ORC5: variants seen among roughly 807,000 people sequenced by gnomAD.
ORC5 encodes origin recognition complex subunit 5.
A neutral mutation model predicts 58.8 loss-of-function variants in ORC5; 39 were observed. That is an observed-to-expected ratio of 0.66 (90% CI 0.51 to 0.87). The LOEUF (loss-of-function observed/expected upper bound fraction) is 0.87, where lower values mean the gene tolerates loss of function less well. Ranked by LOEUF, ORC5 falls within the 40% of genes least tolerant of loss-of-function variation. The probability of loss-of-function intolerance (pLI) is 0.00; values close to 1 mark genes in which losing one functional copy is unlikely to be tolerated. For missense variants in ORC5, 493 were observed against 506.3 expected (o/e 0.97, Z 0.25); for synonymous variants, 218 against 177.6 (o/e 1.23, Z -1.81).
At chr7:104,188,643 T>C (rs1584515338) in intron 5 of ORC5, among the ~76,000 whole-genome samples, 1 of 152,288 alleles carries the variant, frequency 6.6e-6, no homozygotes, top group Non-Finnish European at 1.5e-5. Context: ...AAGAGGAGTA[T>C]CTTTTGTTAC....
intron 8 of ORC5, among the ~76,000 whole-genome samples, chr7:104,175,013 C>T (rs1799294023): frequency 6.6e-6 from 1 of 152,180 alleles, no homozygotes; most frequent in African/African-American, 2.4e-5. Flanking sequence ...ACTTATCTTT[C>T]AAGTCGCCTG....
intron 1 of ORC5, 152 bp downstream of exon 1, chr7:104,207,681 G>A (rs1800126187): frequency 4.7e-6 from 3 of 643,404 alleles, no homozygotes; most frequent in South Asian, 3.8e-5. Context: ...GACTGTGGGT[G>A]AAGCTGCAGT....
At chr7:104,159,607 C>T (rs1177572246) in intron 12 of ORC5, among the ~76,000 whole-genome samples, 1 of 141,420 alleles carries the variant, frequency 7.1e-6, no homozygotes, top group African/African-American at 2.5e-5. Context: ...ATGTACTATC[C>T]TTCACTGTGC....
intron 12 of ORC5, among the ~76,000 whole-genome samples, chr7:104,146,914 C>T (rs975351252): frequency 6.6e-6 from 1 of 151,986 alleles, no homozygotes; most frequent in African/African-American, 2.4e-5. Flanking sequence ...TGTGGGGAAC[C>T]AGTAAAGGAC....
intron 12 of ORC5, among the ~76,000 whole-genome samples, chr7:104,157,659 C>A (rs1798948773): frequency 6.6e-6 from 1 of 152,026 alleles, no homozygotes; most frequent in Admixed American, 6.6e-5. Flanking sequence ...AAATCAGAAG[C>A]CTCCCATTGT....
intron 11 of ORC5, among the ~76,000 whole-genome samples, chr7:104,163,573 G>A (rs1000075161): frequency 1.3e-5 from 2 of 152,048 alleles, no homozygotes; most frequent in African/African-American, 4.8e-5. Context: ...TGCAAGCTAC[G>A]CCTCCCAGGT....
intron 8 of ORC5, 121 bp downstream of exon 8, chr7:104,183,822 T>A: frequency 1.5e-6 from 1 of 668,484 alleles, no homozygotes; most frequent in Non-Finnish European, 2.5e-6. Context: ...CCCATTGCAA[T>A]GCCAATCCTC....
intron 12 of ORC5, among the ~76,000 whole-genome samples, chr7:104,150,786 A>G (rs1410105193): frequency 2.0e-5 from 3 of 152,236 alleles, no homozygotes; most frequent in Non-Finnish European, 2.9e-5. Context: ...CAAGAGATAC[A>G]AAAATGAACA....
At position 104,161,055 on chromosome 7, in the gene ORC5, T is replaced by C; in HGVS notation, c.1149+17A>G. 1 of 1,257,580 alleles carries C rather than the reference T, an allele frequency of 8.0e-7. No homozygotes were observed. The highest frequency in any genetic ancestry group is 1.2e-6 in the Non-Finnish European group (1 of 856,026). 77.9% of individuals were successfully genotyped at this position (1,257,580 alleles called of 1,614,324 possible). The stretch of plus-strand genomic sequence containing the variant: ...ATCCCACAAAGATGACAGATAATAA[T>C]CTATGATTAAGCTTACCTGGGAAAA... On this transcript the variant is annotated intron_variant, in intron 12 of 13. Transcript: ENST00000297431.
In ORC5 at chr7:104,150,434, A is replaced by G. The variant is rs17159463; in HGVS notation, c.1149+10638T>C. On this transcript the variant is annotated intron_variant, in intron 12 of 13. Transcript: ENST00000297431. ...GTTCATGGCATATATTGAGAGTTCAACTGACATTTTTACACACACAAAGCA... is the reference window on the plus strand; with the variant it reads ...GTTCATGGCATATATTGAGAGTTCAGCTGACATTTTTACACACACAAAGCA... Among the ~76,000 whole-genome samples the G allele has an allele frequency of 7.5e-3, 1,141 of 152,236 alleles. 11 individuals carry two copies. Among genetic ancestry groups the G allele is most frequent in the African/African-American group, 0.026 (1,088 of 41,544 alleles).
chr7:104,178,563 G>C (rs1252111159), intron 8 of ORC5, among the ~76,000 whole-genome samples: 1 of 152,026 alleles, frequency 6.6e-6, no homozygotes, highest in Non-Finnish European at 1.5e-5. Flanking sequence ...TCTTTAGTTT[G>C]ATTAGATCCT....
rs373498287 is a variant in ORC5, at chr7:104,166,861, C to T, written c.901G>A (p.Glu301Lys). 5 of 1,608,400 alleles carry T rather than the reference C, an allele frequency of 3.1e-6. No homozygotes were observed. The African/African-American group carries it at 6.7e-5, about 21-fold the overall frequency. Residue 301 changes from glutamate (E) to lysine (K), a missense_variant, in exon 10 of 14, where the codon GAA becomes AAA. Coordinates refer to ENST00000297431, the MANE Select transcript of ORC5 (RefSeq NM_002553.4). ...ATGAACTTAGAGTAATATGGAAGTT[C>T]CACATGAGTATGCGCTGAGAGGCCT... Reference protein sequence around the residue: ...LKGLSAHTHVELPYYSKFILI... With the variant: ...LKGLSAHTHVKLPYYSKFILI...
rs763714407 is a variant in ORC5 at position 104,184,016 on chromosome 7, G to A, written c.751C>T (p.Arg251Cys). The part of the protein sequence containing the change: ...VKGEASERDT[R>C]KLWRNIEPHL... ...GGTTCAATATTTCTCCACAGTTTGC[G>A]AGTATCACGTTCACTTGCTACCCCA... Residue 251 changes from arginine to cysteine, a missense_variant, in exon 8 of 14, where the codon CGC becomes TGC. By Grantham distance (180) the Arg-to-Cys change is radical (BLOSUM62 -3). Around this residue, in one of 3 missense-constraint regions of ORC5, gnomAD observed 412 missense variants for 403.7 expected, o/e 1.02. Coordinates refer to ENST00000297431, the MANE Select transcript of ORC5 (RefSeq NM_002553.4). 18 of 1,613,230 alleles carry A rather than the reference G, an allele frequency of 1.1e-5. No homozygotes were observed. Among genetic ancestry groups the A allele is most frequent in the East Asian group, 2.2e-5 (1 of 44,834 alleles).
chr7:104,158,804 C>T (rs539578393), intron 12 of ORC5, among the ~76,000 whole-genome samples: 92 of 151,538 alleles, frequency 6.1e-4, no homozygotes, highest in African/African-American at 1.9e-3. Flanking sequence ...GTTAGAATGG[C>T]GATCATTAAA....
At chr7:104,164,216 G>C (rs371700574) in intron 11 of ORC5, among the ~76,000 whole-genome samples, 2 of 152,038 alleles carry the variant, frequency 1.3e-5, no homozygotes, top group East Asian at 1.9e-4. Flanking sequence ...GACCAGCCTC[G>C]AACTCCTGGG....
In ORC5 at chr7:104,205,290, A is replaced by G. The variant is rs140808494; in HGVS notation, c.73-1056T>C. ...TTTTTAGTTAAGACGGAGTTTCACC[A>G]TGTTGGTCAGGCTGGTCTCAAACTC... On this transcript the variant is annotated intron_variant, in intron 1 of 13. Transcript: ENST00000297431. 8.6e-3 allele frequency among the ~76,000 whole-genome samples: 1,303 copies of G among 151,756 alleles called. 15 individuals carry two copies. The highest frequency in any genetic ancestry group is 0.034 in the Middle Eastern group (10 of 294).
At chr7:104,130,882 T>C (rs906018772) in intron 13 of ORC5, among the ~76,000 whole-genome samples, 1 of 152,244 alleles carries the variant, frequency 6.6e-6, no homozygotes. Flanking sequence ...CGACTGGCTT[T>C]ACTTCCTTCC....
At chr7:104,141,722 A>G (rs758516846) in intron 12 of ORC5, among the ~76,000 whole-genome samples, 8 of 152,222 alleles carry the variant, frequency 5.3e-5, no homozygotes, top group Non-Finnish European at 7.3e-5. Context: ...CTAACTTACA[A>G]CAGCATCAAA....
intron 3 of ORC5, 97 bp from the exon 4 acceptor site, chr7:104,197,896 G>A (rs899838820): frequency 1.5e-5 from 10 of 686,414 alleles, no homozygotes; most frequent in African/African-American, 1.1e-4. Context: ...TCATGTGTTG[G>A]AACTTAATCC....
Sources: gnomAD v4.1 joint callset for allele counts (sites outside exome capture counted in the v4.1 genomes callset) on GRCh38, gnomAD v4.1.1 for gene constraint, gnomAD v4.1.1 regional missense constraint, MANE v1.5 for transcripts, NCBI Gene and HGNC (gene_info 2026-07-23, HGNC 2026-07-21) for gene names.